EFNA5: variants seen among roughly 807,000 people sequenced by gnomAD.
The protein encoded by EFNA5 is ephrin A5.
A neutral mutation model predicts 22.9 loss-of-function variants in EFNA5; 5 were observed. That is an observed-to-expected ratio of 0.22 (90% CI 0.11 to 0.46). EFNA5 has a LOEUF of 0.46. Ranked by LOEUF, EFNA5 falls within the 20% of genes least tolerant of loss-of-function variation. The pLI is 0.99. For missense variants in EFNA5, 237 were observed against 293.3 expected (o/e 0.81, Z 1.40); for synonymous variants, 113 against 112.2 (o/e 1.01, Z -0.04).
rs1554061606 is a variant in EFNA5, at chr5:107,476,046, C to CCATATATATATATATATATATATATATA, written c.126-48538_126-48537insTATATATATATATATATATATATATATG. On this transcript the variant is annotated intron_variant, in intron 1 of 4. Coordinates refer to ENST00000333274, the MANE Select transcript of EFNA5 (RefSeq NM_001962.3). The stretch of plus-strand genomic sequence containing the variant: ...CCAAGGTGGCTTGAGAGTTTTTAAA[C>CCATATATATATATATATATATATATATA]TATATATATATTTTTTTTTTTTGAG... 5.4e-4 allele frequency among the ~76,000 whole-genome samples: 17 copies of CCATATATATATATATATATATATATATA among 31,290 alleles called. 1 individual carries two copies. The African/African-American group carries it at 5.8e-3, about 11-fold the overall frequency. 20.5% of individuals were successfully genotyped at this position (31,290 alleles called of 152,430 possible). A position where few individuals can be genotyped will look rare whatever the true frequency, so the allele number is the denominator to read the frequency against.
At chr5:107,512,244 A>C (rs1284347114) in intron 1 of EFNA5, among the ~76,000 whole-genome samples, 2 of 152,184 alleles carry the variant, frequency 1.3e-5, no homozygotes, top group Non-Finnish European at 2.9e-5. Flanking sequence ...GTGGCTGTCA[A>C]TCAATCCTGG....
intron 1 of EFNA5, among the ~76,000 whole-genome samples, chr5:107,574,449 A>C (rs1748883971): frequency 6.6e-6 from 1 of 152,196 alleles, no homozygotes; most frequent in African/African-American, 2.4e-5. Context: ...AAAGAATTTG[A>C]CAGTTTACAT....
intron 1 of EFNA5, among the ~76,000 whole-genome samples, chr5:107,482,864 CTCTCTCTATATATATA>C (rs768848824): frequency 0.031 from 1,487 of 48,226 alleles, 9 homozygotes; most frequent in Admixed American, 0.046. Flanking sequence ...CTCTCTCTCT[CTCTCTCTATATATATA>C]TATATATATA....
intron 2 of EFNA5, among the ~76,000 whole-genome samples, chr5:107,420,908 C>T (rs1390707972): frequency 2.0e-5 from 3 of 152,056 alleles, no homozygotes; most frequent in Non-Finnish European, 4.4e-5. Flanking sequence ...TGCACTTCTA[C>T]GAAAAACTAT....
chr5:107,418,168 T>C (rs1018807246), intron 2 of EFNA5, among the ~76,000 whole-genome samples: 4 of 152,234 alleles, frequency 2.6e-5, no homozygotes, highest in Non-Finnish European at 5.9e-5. Flanking sequence ...AATAAGTTAC[T>C]AAGAGAAACA....
intron 1 of EFNA5, among the ~76,000 whole-genome samples, chr5:107,625,704 C>T (rs1363803679): frequency 1.3e-5 from 2 of 152,062 alleles, no homozygotes; most frequent in African/African-American, 4.8e-5. Flanking sequence ...CCAAACACAC[C>T]AGAACCAATT....
intron 1 of EFNA5, among the ~76,000 whole-genome samples, chr5:107,537,746 AC>A (rs1225629598): frequency 6.6e-6 from 1 of 152,206 alleles, no homozygotes; most frequent in Non-Finnish European, 1.5e-5. Context: ...TTATTAGGTA[AC>A]AGAGCCATGC....
chr5:107,481,709 G>A lies in EFNA5; in HGVS notation c.126-54200C>T, dbSNP rs1750467009. Among the ~76,000 whole-genome samples, 3 of 152,014 alleles carry A rather than the reference G, an allele frequency of 2.0e-5. No individual in the cohort carries two copies. In the South Asian group the frequency reaches 6.2e-4, roughly 32 times the overall value. On this transcript the variant is annotated intron_variant, in intron 1 of 4. Transcript: ENST00000333274. ...GCTAAAGATAACACAAATTAGTTGGGTGTGGTGGCACACACCTGTAATCCC... is the reference window on the plus strand; with the variant it reads ...GCTAAAGATAACACAAATTAGTTGGATGTGGTGGCACACACCTGTAATCCC...
intron 1 of EFNA5, among the ~76,000 whole-genome samples, chr5:107,527,126 C>T (rs1335407178): frequency 6.6e-6 from 1 of 152,030 alleles, no homozygotes; most frequent in Non-Finnish European, 1.5e-5. Context: ...TATGACCTGG[C>T]ATTTTGTCTA....
intron 2 of EFNA5, among the ~76,000 whole-genome samples, chr5:107,418,502 C>T (rs1748566532): frequency 6.6e-6 from 1 of 152,158 alleles, no homozygotes; most frequent in Non-Finnish European, 1.5e-5. Flanking sequence ...ACCATTGAGT[C>T]TCAGTAGGGT....
chr5:107,429,568 AAGT>A (rs1748894787), intron 1 of EFNA5, among the ~76,000 whole-genome samples: 1 of 152,336 alleles, frequency 6.6e-6, no homozygotes, highest in East Asian at 1.9e-4. Context: ...CATTTTGACT[AAGT>A]AGACCTAGAT....
chr5:107,485,014 A>G (rs1307038862), intron 1 of EFNA5, among the ~76,000 whole-genome samples: 2 of 152,082 alleles, frequency 1.3e-5, no homozygotes, highest in Non-Finnish European at 2.9e-5. Context: ...AGAAAAAGAA[A>G]AAAAGGTAGG....
At chr5:107,623,418 T>C (rs1361876082) in intron 1 of EFNA5, among the ~76,000 whole-genome samples, 2 of 152,234 alleles carry the variant, frequency 1.3e-5, no homozygotes, top group Admixed American at 6.5e-5. Context: ...TCCTGGGTTA[T>C]AAATTTAAAT....
At position 107,378,372 on chromosome 5, in the gene EFNA5, C is replaced by T. The variant is rs968916306; in HGVS notation, c.*2883G>A. 1 of 152,054 alleles carries T rather than the reference C, an allele frequency of 6.6e-6. No individual in the cohort carries two copies. Among genetic ancestry groups the T allele is most frequent in the Admixed American group, 6.5e-5 (1 of 15,272 alleles). 9.4% of individuals were successfully genotyped at this position (152,054 alleles called of 1,614,324 possible). On this transcript the variant is annotated 3_prime_UTR_variant, in exon 5 of 5. Transcript: ENST00000333274. ...TTGCAAAGCCCTTGGCAACCAGGGGCAAAGGTCACTGGGGTTTGACTAACT... is the reference window on the plus strand; with the variant it reads ...TTGCAAAGCCCTTGGCAACCAGGGGTAAAGGTCACTGGGGTTTGACTAACT...
At chr5:107,646,456 T>C (rs1397930715) in intron 1 of EFNA5, among the ~76,000 whole-genome samples, 2 of 152,210 alleles carry the variant, frequency 1.3e-5, no homozygotes, top group Admixed American at 6.5e-5. Context: ...CTATGTTGAC[T>C]ACTGTAAACA....
chr5:107,396,805 G>T (rs1747939220), intron 2 of EFNA5, among the ~76,000 whole-genome samples: 1 of 152,134 alleles, frequency 6.6e-6, no homozygotes, highest in Non-Finnish European at 1.5e-5. Flanking sequence ...TGTTCCTTTT[G>T]AAAATATGTT....
chr5:107,634,267 G>A (rs1196627499), intron 1 of EFNA5, among the ~76,000 whole-genome samples: 1 of 152,102 alleles, frequency 6.6e-6, no homozygotes, highest in Non-Finnish European at 1.5e-5. Context: ...TGTAATCCAA[G>A]CACTTTGGAA....
chr5:107,437,242 T>C (rs575171637), intron 1 of EFNA5, among the ~76,000 whole-genome samples: 33 of 152,352 alleles, frequency 2.2e-4, no homozygotes, highest in African/African-American at 7.7e-4. Flanking sequence ...AGGGGAAGCA[T>C]ATATTTGGTA....
intron 1 of EFNA5, among the ~76,000 whole-genome samples, chr5:107,487,746 C>T (rs1746678329): frequency 6.6e-6 from 1 of 152,126 alleles, no homozygotes; most frequent in Non-Finnish European, 1.5e-5. Flanking sequence ...CAATCTTATT[C>T]CCCCTTGGAC....
Sources: allele counts gnomAD v4.1 joint callset (sites outside exome capture counted in the v4.1 genomes callset), GRCh38; gene constraint gnomAD v4.1.1; transcripts MANE v1.5; gene names NCBI Gene and HGNC (gene_info 2026-07-23, HGNC 2026-07-21).